P2RX7: variants seen among roughly 807,000 people sequenced by gnomAD.
P2RX7 encodes P2X purinoceptor 7.
A neutral mutation model predicts 71.6 loss-of-function variants in P2RX7; 62 were observed. That is an observed-to-expected ratio of 0.87 (90% CI 0.71 to 1.07). P2RX7 has a LOEUF of 1.07. P2RX7 is among the 50% of genes least tolerant of loss of function. P2RX7 has a pLI of 0.00. For missense variants in P2RX7, 686 were observed against 748.5 expected, an observed-to-expected ratio of 0.92 and a Z score of 0.97; for synonymous variants, 299 against 283.3, an observed-to-expected ratio of 1.06 and a Z score of -0.56.
At chr12:121,165,525 C>T (rs1192618614) in intron 6 of P2RX7, 88 bp downstream of exon 6, 1 of 1,010,662 alleles carries the variant, frequency 9.9e-7, no homozygotes, top group Non-Finnish European at 1.5e-6. Flanking sequence ...ACAACAAACG[C>T]CTATTGTCTC....
Position 121,149,170 on chromosome 12 carries a change from G to T in P2RX7, c.126-5615G>T. ...CATGTGGATTGAGACTCTGAAGAACGACTTTATGGTGGGCACCTTCATCTC... is the reference window on the plus strand; with the variant it reads ...CATGTGGATTGAGACTCTGAAGAACTACTTTATGGTGGGCACCTTCATCTC... On this transcript the variant is annotated intron_variant, in intron 1 of 12. Transcript: ENST00000328963. The surrounding 1 kb of genome is among the most constrained non-coding windows in gnomAD (Gnocchi z 4.7). 1 of 419,252 alleles carries T rather than the reference G, an allele frequency of 2.4e-6. No individual in the cohort carries two copies. Among genetic ancestry groups the T allele is most frequent in the South Asian group, 1.9e-5 (1 of 53,594 alleles). 26.0% of individuals were successfully genotyped at this position (419,252 alleles called of 1,614,324 possible).
At position 121,161,518 on chromosome 12, in the gene P2RX7, C is replaced by T. The variant is rs193242390; in HGVS notation, c.436+544C>T. 2.4e-3 allele frequency among the ~76,000 whole-genome samples: 353 copies of T among 148,538 alleles called. 2 individuals are homozygous for T. The highest frequency in any genetic ancestry group is 8.1e-3 in the African/African-American group (326 of 40,254). On this transcript the variant is annotated intron_variant, in intron 4 of 12. Coordinates refer to ENST00000328963, the MANE Select transcript of P2RX7 (RefSeq NM_002562.6). ...ACTTAAAAAGGCACAGGGCAGCGAG[C>T]GCAGAGGCTGGTGCCTGTAATCCCA...
rs564092314 is a variant in P2RX7, at chr12:121,159,080, AC to A, written c.364-1819del. Among the ~76,000 whole-genome samples, 470 of 152,278 alleles carry A rather than the reference AC, an allele frequency of 3.1e-3. 2 individuals carry two copies. The highest frequency in any genetic ancestry group is 0.011 in the African/African-American group (450 of 41,550). On this transcript the variant is annotated intron_variant, in intron 3 of 12. Transcript: ENST00000328963. ...TCATTGAGCATGTACTATGTGCTAAACCCTTTCTTTTCATAACTCACTTAAT... is the reference window on the plus strand; with the variant it reads ...TCATTGAGCATGTACTATGTGCTAAACCTTTCTTTTCATAACTCACTTAAT...
rs1485269129 is a variant in P2RX7 at position 121,175,402 on chromosome 12, A to G, written c.896A>G (p.Tyr299Cys). The change falls in exon 9 of 13, where the codon TAC (tyrosine) becomes TGC (cysteine). Residue 299 changes from tyrosine to cysteine, a missense_variant. Transcript: ENST00000328963. The part of the protein sequence containing the change: ...PGYNFRYAKY[Y>C]KENNVEKRTL... The stretch of plus-strand genomic sequence containing the variant: ...TCTTCCTACAGATACGCCAAGTACT[A>G]CAAGGAAAACAATGTTGAGAAACGG... 6 of 1,605,550 alleles carry G rather than the reference A, an allele frequency of 3.7e-6. No homozygotes were observed. The highest frequency in any genetic ancestry group is 4.3e-6 in the Non-Finnish European group (5 of 1,172,490).
At chr12:121,152,126 C>T (rs2136031763) in intron 1 of P2RX7, among the ~76,000 whole-genome samples, 1 of 152,018 alleles carries the variant, frequency 6.6e-6, no homozygotes, top group Middle Eastern at 3.4e-3. Flanking sequence ...ATTACAGGCG[C>T]ACACCACCAC....
intron 1 of P2RX7, among the ~76,000 whole-genome samples, chr12:121,139,126 G>A (rs1592996128): frequency 6.6e-6 from 1 of 152,120 alleles, no homozygotes; most frequent in Admixed American, 6.5e-5. Flanking sequence ...ATTTTTAGTA[G>A]AGACGGGGTT....
chr12:121,138,299 C>T (rs544282172), intron 1 of P2RX7, among the ~76,000 whole-genome samples: 2 of 152,362 alleles, frequency 1.3e-5, no homozygotes, highest in East Asian at 3.9e-4. Flanking sequence ...TTGAACAACT[C>T]TGTATGTACA....
chr12:121,184,596 C>T lies in P2RX7; in HGVS notation c.1582C>T (p.Leu528Phe), dbSNP rs1380083462. 3 of 1,613,824 alleles carry T rather than the reference C, an allele frequency of 1.9e-6. No individual in the cohort carries two copies. Among genetic ancestry groups the T allele is most frequent in the East Asian group, 4.5e-5 (2 of 44,872 alleles). Residue 528 changes from leucine (L) to phenylalanine (F), a missense_variant, in exon 13 of 13, where the codon CTC becomes TTC. Transcript: ENST00000328963. ...LSRHVLQFLL[L>F]YQEPLLALDV... Reference sequence around the variant, plus strand: ...CAGACACGTCCTGCAGTTCCTCCTGCTCTACCAGGAGCCCTTGCTGGCGCT... The same window carrying T: ...CAGACACGTCCTGCAGTTCCTCCTGTTCTACCAGGAGCCCTTGCTGGCGCT...
intron 11 of P2RX7, among the ~76,000 whole-genome samples, chr12:121,179,807 A>G (rs1026468563): frequency 8.5e-5 from 13 of 152,212 alleles, no homozygotes; most frequent in African/African-American, 3.1e-4. Flanking sequence ...GGTCCAATGT[A>G]AAAACATTAA....
chr12:121,178,904 G>T (rs1883630280), intron 11 of P2RX7, among the ~76,000 whole-genome samples: 1 of 150,706 alleles, frequency 6.6e-6, no homozygotes, highest in Non-Finnish European at 1.5e-5. Flanking sequence ...TGATATATAG[G>T]TTAAAAAAAA....
chr12:121,145,744 G>A (rs1231125041), intron 1 of P2RX7, among the ~76,000 whole-genome samples: 4 of 152,048 alleles, frequency 2.6e-5, no homozygotes, highest in African/African-American at 4.8e-5. Flanking sequence ...CTGACCTCTT[G>A]ATCCACCTGC....
At chr12:121,142,771 A>G (rs769919322) in intron 1 of P2RX7, among the ~76,000 whole-genome samples, 17 of 152,152 alleles carry the variant, frequency 1.1e-4, no homozygotes, top group Non-Finnish European at 2.2e-4. Context: ...CCTGGATGAC[A>G]CAGGGTCATC....
At chr12:121,171,105 G>A (rs2567989) in intron 8 of P2RX7, among the ~76,000 whole-genome samples, 54,217 of 151,894 alleles carry the variant, frequency 0.36, 10,028 homozygotes, top group Non-Finnish European at 0.4. Context: ...TCCTGTGGCT[G>A]TTATGACTAA....
At chr12:121,175,323 A>AAAAAAC in intron 8 of P2RX7, 65 bp from the exon 9 acceptor site, 1 of 994,892 alleles carries the variant, frequency 1.0e-6, no homozygotes, top group South Asian at 1.5e-5. Flanking sequence ...AAAAAAAAAA[A>AAAAAAC]AAAAAACCCA....
At position 121,180,417 on chromosome 12, in the gene P2RX7, G is replaced by T; in HGVS notation, c.1252G>T (p.Gly418Trp). 2 of 1,605,636 alleles carry T rather than the reference G, an allele frequency of 1.2e-6. No individual in the cohort carries two copies. Among genetic ancestry groups the T allele is most frequent in the Non-Finnish European group, 8.5e-7 (1 of 1,175,680 alleles). ...HIRMVNQQLLGRSLQDVKGQE... is the reference protein window; with the variant it reads ...HIRMVNQQLLWRSLQDVKGQE... Reference sequence around the variant, plus strand: ...TAGGATGGTGAACCAGCAGCTACTAGGGAGAAGTCTGCAAGATGTCAAGGG... The same window carrying T: ...TAGGATGGTGAACCAGCAGCTACTATGGAGAAGTCTGCAAGATGTCAAGGG... The change falls in exon 12 of 13, where the codon GGG becomes TGG. Residue 418 changes from glycine to tryptophan, a missense_variant. Gly to Trp is a radical substitution (Grantham distance 184). Coordinates refer to ENST00000328963, the MANE Select transcript of P2RX7 (RefSeq NM_002562.6).
intron 3 of P2RX7, among the ~76,000 whole-genome samples, chr12:121,157,958 G>A (rs1358365738): frequency 6.6e-6 from 1 of 152,206 alleles, no homozygotes; most frequent in East Asian, 1.9e-4. Context: ...CAGATAGGAT[G>A]TCACTCAGAG....
intron 11 of P2RX7, among the ~76,000 whole-genome samples, chr12:121,179,134 G>C (rs1007718402): frequency 1.3e-5 from 2 of 152,096 alleles, no homozygotes; most frequent in Non-Finnish European, 2.9e-5. Context: ...GATTAATTCA[G>C]ACTTTATCAA....
intron 5 of P2RX7, 93 bp downstream of exon 5, chr12:121,162,613 C>A: frequency 2.7e-6 from 4 of 1,465,690 alleles, no homozygotes; most frequent in South Asian, 1.2e-5. Context: ...CTCAGCACAG[C>A]CCTGCAAAGT....
At chr12:121,164,145 C>A (rs1880507700) in intron 5 of P2RX7, among the ~76,000 whole-genome samples, 1 of 152,180 alleles carries the variant, frequency 6.6e-6, no homozygotes, top group Non-Finnish European at 1.5e-5. Context: ...TATCAACTCA[C>A]TCATTAAATA....
Sources: allele counts gnomAD v4.1 joint callset (sites outside exome capture counted in the v4.1 genomes callset), GRCh38; gene constraint gnomAD v4.1.1; non-coding constraint Gnocchi (gnomAD v3.1); transcripts MANE v1.5; gene names NCBI Gene and HGNC (gene_info 2026-07-23, HGNC 2026-07-21).